PDCD11: variants seen among roughly 807,000 people sequenced by gnomAD.
The protein encoded by PDCD11 is protein RRP5 homolog.
A neutral mutation model predicts 198.9 loss-of-function variants in PDCD11; 97 were observed. The observed-to-expected ratio is 0.49, with a 90% CI of 0.41 to 0.58. The LOEUF (loss-of-function observed/expected upper bound fraction) is 0.58. Ranked by LOEUF, PDCD11 falls within the 20% of genes least tolerant of loss-of-function variation. PDCD11 has a pLI of 0.00. For missense variants in PDCD11, 2,102 were observed against 2,312.7 expected (o/e 0.91, Z 1.87); for synonymous variants, 893 against 918.0 (o/e 0.97, Z 0.49).
At chr10:103,413,427 T>G in intron 9 of PDCD11, 105 bp downstream of exon 9, 2 of 886,166 alleles carry the variant, frequency 2.3e-6, no homozygotes, top group East Asian at 2.6e-5. Flanking sequence ...AGTTTAAAAT[T>G]TTTGGATATT....
intron 5 of PDCD11, among the ~76,000 whole-genome samples, chr10:103,405,659 A>C (rs1270155403): frequency 6.6e-6 from 1 of 152,076 alleles, no homozygotes; most frequent in Non-Finnish European, 1.5e-5. Context: ...GCCTTCCAAA[A>C]TGCTGGGATT....
At chr10:103,405,742 A>G (rs2030405550) in intron 5 of PDCD11, among the ~76,000 whole-genome samples, 2 of 152,146 alleles carry the variant, frequency 1.3e-5, no homozygotes, top group South Asian at 2.1e-4. Context: ...AGACTCTTCT[A>G]TATTGTTCCA....
chr10:103,425,258 T>C lies in PDCD11; in HGVS notation c.3038T>C (p.Val1013Ala), dbSNP rs755662307. 6.8e-6 allele frequency: 11 copies of C among 1,614,008 alleles called. No homozygotes were observed. Among genetic ancestry groups the C allele is most frequent in the Non-Finnish European group, 4.2e-6 (5 of 1,180,016 alleles). Residue 1013 changes from valine to alanine, a missense_variant, in exon 20 of 36, where the codon GTT becomes GCT. Coordinates refer to ENST00000369797, the MANE Select transcript of PDCD11 (RefSeq NM_014976.2). ...CCGACCCAGAAGGACTCTGAGACAG[T>C]TGATGAGGATGAAGAAGTGGATCCA... ...MRPTQKDSETVDEDEEVDPAL... is the reference protein window; with the variant it reads ...MRPTQKDSETADEDEEVDPAL...
In PDCD11 at chr10:103,409,747, G is replaced by A. The variant is rs141352682; in HGVS notation, c.919G>A (p.Val307Met). The change falls in exon 8 of 36, where the codon GTG (valine) becomes ATG (methionine). Residue 307 changes from valine (V) to methionine (M), a missense_variant. Coordinates refer to ENST00000369797, the MANE Select transcript of PDCD11 (RefSeq NM_014976.2). ...TLNFLTFFTG[V>M]VDFMHLDPKK... is the part of the protein sequence containing the mutation. ...AAACTTCCTCACATTCTTCACGGGCGTGGTTGACTTTATGCACCTGGATCC... is the reference window on the plus strand; with the variant it reads ...AAACTTCCTCACATTCTTCACGGGCATGGTTGACTTTATGCACCTGGATCC... 1.4e-4 allele frequency: 227 copies of A among 1,613,924 alleles called. No individual in the cohort carries two copies. The highest frequency in any genetic ancestry group is 3.1e-5 in the Non-Finnish European group (36 of 1,179,976).
At position 103,425,537 on chromosome 10, in the gene PDCD11, CTGGGGG is replaced by C; in HGVS notation, c.3305+17_3305+22del. 6.3e-7 allele frequency: 1 copy of C among 1,594,116 alleles called. No homozygotes were observed. Among genetic ancestry groups the C allele is most frequent in the African/African-American group, 1.3e-5 (1 of 74,658 alleles). ...ATGAAGACATTCAAGTATGGAGGCT[CTGGGGG>C]TGGGCTGGCTTCGAGGGAGATTGTT... On this transcript the variant is annotated intron_variant, in intron 20 of 35. Coordinates refer to ENST00000369797, the MANE Select transcript of PDCD11 (RefSeq NM_014976.2).
intron 7 of PDCD11, among the ~76,000 whole-genome samples, 177 bp downstream of exon 7, chr10:103,406,967 G>C (rs2030493339): frequency 6.6e-6 from 1 of 152,146 alleles, no homozygotes; most frequent in Non-Finnish European, 1.5e-5. Context: ...GGATATATTA[G>C]GTTAAAAAAC....
rs977375329 is a variant in PDCD11, at chr10:103,423,134, G to A, written c.2644G>A (p.Ala882Thr). ...CCTGAAAGCCAGCAGATACCATCGC[G>A]CAGGTGAGTGCTTCTGTCTTACCCA... ...LVLKASRYHR[A>T]GQEVESGQKK... The change falls in exon 18 of 36, where the codon GCA becomes ACA. Residue 882 changes from alanine to threonine, a missense_variant. Coordinates refer to ENST00000369797, the MANE Select transcript of PDCD11 (RefSeq NM_014976.2). The A allele has an allele frequency of 3.2e-6, 5 of 1,569,860 alleles. No homozygotes were observed. Among genetic ancestry groups the A allele is most frequent in the Non-Finnish European group, 4.3e-6 (5 of 1,159,350 alleles).
intron 33 of PDCD11, 149 bp downstream of exon 33, chr10:103,443,482 A>T: frequency 6.4e-6 from 4 of 622,190 alleles, no homozygotes; most frequent in Non-Finnish European, 1.1e-5. Flanking sequence ...AAAAGAAGTC[A>T]TTTCCCTCAC....
intron 7 of PDCD11, 59 bp downstream of exon 7, chr10:103,406,849 A>C (rs2030485813): frequency 7.3e-7 from 1 of 1,371,906 alleles, no homozygotes; most frequent in Non-Finnish European, 1.0e-6. Context: ...CAAAATATTA[A>C]ATGCATAAAG....
chr10:103,429,498 T>A (rs2031835255), intron 21 of PDCD11, among the ~76,000 whole-genome samples: 1 of 152,072 alleles, frequency 6.6e-6, no homozygotes, highest in Non-Finnish European at 1.5e-5. Flanking sequence ...TGTTGACAGG[T>A]TTTGTTTCTT....
chr10:103,430,165 A>AT (rs1339148697), intron 21 of PDCD11, among the ~76,000 whole-genome samples: 1 of 151,508 alleles, frequency 6.6e-6, no homozygotes, highest in South Asian at 2.1e-4. Flanking sequence ...TAATTTTTGA[A>AT]TTTTTTTTGT....
chr10:103,421,590 G>A, intron 17 of PDCD11, 23 bp downstream of exon 17: 4 of 1,511,230 alleles, frequency 2.6e-6, no homozygotes, highest in Non-Finnish European at 2.7e-6. Context: ...TGGGGCAGGG[G>A]AGGTGGGCCA....
intron 28 of PDCD11, 84 bp from the exon 29 acceptor site, chr10:103,440,206 G>C: frequency 6.5e-7 from 1 of 1,528,778 alleles, no homozygotes. Context: ...ATCGTGGGCT[G>C]ATCAGGAGGA....
intron 17 of PDCD11, among the ~76,000 whole-genome samples, chr10:103,421,853 G>A (rs2031449563): frequency 6.6e-6 from 1 of 150,514 alleles, no homozygotes; most frequent in African/African-American, 2.4e-5. Context: ...TGTAGTCCCA[G>A]CTACTCGGGA....
At chr10:103,436,798 C>T (rs1465753580) in intron 25 of PDCD11, among the ~76,000 whole-genome samples, 2 of 152,220 alleles carry the variant, frequency 1.3e-5, no homozygotes, top group African/African-American at 4.8e-5. Context: ...GCCACGTTAC[C>T]AAAGGCAGAC....
At chr10:103,398,208 G>A (rs1564752502) in intron 1 of PDCD11, among the ~76,000 whole-genome samples, 1 of 152,204 alleles carries the variant, frequency 6.6e-6, no homozygotes, top group Non-Finnish European at 1.5e-5. Flanking sequence ...TCTGGAAGAA[G>A]GTGGGTGGAC....
At chr10:103,408,029 T>C (rs1359420216) in intron 7 of PDCD11, among the ~76,000 whole-genome samples, 1 of 152,216 alleles carries the variant, frequency 6.6e-6, no homozygotes, top group African/African-American at 2.4e-5. Context: ...TACTATGACC[T>C]TGAACAGCTT....
At chr10:103,438,585 G>A in intron 26 of PDCD11, 101 bp from the exon 27 acceptor site, 1 of 1,480,442 alleles carries the variant, frequency 6.8e-7, no homozygotes, top group Non-Finnish European at 9.3e-7. Flanking sequence ...CAGGTCCAGA[G>A]TCATATTCTT....
At chr10:103,408,864 G>C (rs747428541) in intron 7 of PDCD11, among the ~76,000 whole-genome samples, 20 of 152,046 alleles carry the variant, frequency 1.3e-4, no homozygotes, top group Non-Finnish European at 2.6e-4. Flanking sequence ...TAACTTTCCT[G>C]TCAGGAACAG....
Sources: allele counts gnomAD v4.1 joint callset (sites outside exome capture counted in the v4.1 genomes callset), GRCh38; gene constraint gnomAD v4.1.1; transcripts MANE v1.5; gene names NCBI Gene and HGNC (gene_info 2026-07-23, HGNC 2026-07-21).